The following PKN3 variants were observed in gnomAD, a reference collection of about 807,000 sequenced individuals.
PKN3 encodes serine/threonine-protein kinase N3.
Under a neutral mutation model 113.1 loss-of-function variants are expected in PKN3, and 91 were observed. That is an observed-to-expected ratio of 0.80 (90% CI 0.68 to 0.96). PKN3 has a LOEUF of 0.96. Ranked by LOEUF, PKN3 falls within the 40% of genes least tolerant of loss-of-function variation. PKN3 has a pLI of 0.00. For missense variants in PKN3, 1,052 were observed against 1,202.2 expected (o/e 0.88, Z 1.85); for synonymous variants, 467 against 499.0 (o/e 0.94, Z 0.85).
chr9:128,710,531 G>A (rs771248149), intron 6 of PKN3, among the ~76,000 whole-genome samples: 46 of 151,898 alleles, frequency 3.0e-4, no homozygotes, highest in Middle Eastern at 6.8e-3. Context: ...TCGCACTGTC[G>A]CCCAGACTGG....
intron 3 of PKN3, 76 bp from the exon 4 acceptor site, chr9:128,706,637 C>A: frequency 9.0e-7 from 1 of 1,112,828 alleles, no homozygotes. Context: ...GGGGGAGACC[C>A]GGCTCCAGTT....
At chr9:128,707,054 G>T in intron 5 of PKN3, 31 bp downstream of exon 5, 1 of 1,613,854 alleles carries the variant, frequency 6.2e-7, no homozygotes, top group South Asian at 1.1e-5. Context: ...CTCTCCTAAG[G>T]CTGGCTTGTT....
chr9:128,717,370 C>T (rs1171882815), intron 16 of PKN3, among the ~76,000 whole-genome samples: 12 of 150,796 alleles, frequency 8.0e-5, no homozygotes, highest in Non-Finnish European at 7.4e-5. Flanking sequence ...TCAAGTGATC[C>T]GCCCACCTCG....
intron 18 of PKN3, among the ~76,000 whole-genome samples, chr9:128,718,871 TGA>T (rs1862423926): frequency 6.7e-6 from 1 of 149,060 alleles, no homozygotes; most frequent in African/African-American, 2.5e-5. Context: ...GAGAGGAGAC[TGA>T]GTTCTGCCTT....
rs752472485 is a variant in PKN3, at chr9:128,714,319, C to T, written c.1435C>T (p.Arg479Trp). 2.0e-5 allele frequency: 33 copies of T among 1,611,160 alleles called. No homozygotes were observed. Among genetic ancestry groups the T allele is most frequent in the Admixed American group, 3.4e-5 (2 of 59,446 alleles). ...STISPPKGCP[R>W]TPTTLREASD... is the part of the protein sequence containing the mutation. ...AATCAGCCCCCCTAAAGGATGCCCT[C>T]GGACCCCAACAACACTGCGAGAGGC... The change falls in exon 11 of 22, where the codon CGG becomes TGG. Residue 479 changes from arginine to tryptophan, a missense_variant. By Grantham distance (101) the Arg-to-Trp change is moderately radical. Transcript: ENST00000291906.
chr9:128,709,736 G>C (rs1862123931), intron 6 of PKN3: 1 of 149,444 alleles, frequency 6.7e-6, no homozygotes, highest in Non-Finnish European at 1.5e-5. Context: ...TGGGCAACAA[G>C]AGCAAAACTC....
chr9:128,706,246 T>C (rs1394717748), intron 3 of PKN3, among the ~76,000 whole-genome samples: 2 of 152,154 alleles, frequency 1.3e-5, no homozygotes, highest in African/African-American at 4.8e-5. Context: ...CCTGATCTGA[T>C]GGGGGAGGCT....
rs971930796 is a variant in PKN3 at position 128,715,663 on chromosome 9, G to A, written c.1808+203G>A. On this transcript the variant is annotated intron_variant, in intron 15 of 21. Coordinates refer to ENST00000291906, the MANE Select transcript of PKN3 (RefSeq NM_013355.5). The surrounding 1 kb of genome is among the most constrained non-coding windows in gnomAD (Gnocchi z 4.1). ...TGTCAGTTTGCTCTACTGTAAAATG[G>A]GGGCATTGGTGGCTGTGCACGTTCA... is the stretch of plus-strand genomic sequence containing the variant. 6.6e-6 allele frequency among the ~76,000 whole-genome samples: 1 copy of A among 152,152 alleles called. No individual in the cohort carries two copies. The highest frequency in any genetic ancestry group is 2.4e-5 in the African/African-American group (1 of 41,424).
intron 16 of PKN3, 51 bp from the exon 17 acceptor site, chr9:128,718,274 C>A: frequency 6.7e-7 from 1 of 1,490,718 alleles, no homozygotes; most frequent in Non-Finnish European, 9.4e-7. Context: ...CCCTGCCCTG[C>A]CTCCCTGGTG....
chr9:128,712,474 A>G (rs1229032235), intron 6 of PKN3, among the ~76,000 whole-genome samples: 11 of 152,134 alleles, frequency 7.2e-5, no homozygotes, highest in African/African-American at 2.2e-4. Flanking sequence ...ACTCACCTCC[A>G]CTGTTCAGAT....
chr9:128,720,097 C>T lies in PKN3; in HGVS notation c.2376+80C>T. The T allele has an allele frequency of 2.6e-6, 4 of 1,534,552 alleles. No individual in the cohort carries two copies. The highest frequency in any genetic ancestry group is 2.7e-6 in the Non-Finnish European group (3 of 1,110,134). On this transcript the variant is annotated intron_variant, in intron 20 of 21. Transcript: ENST00000291906. This position sits in a 1 kb window ranked among gnomAD's most constrained non-coding sequence, Gnocchi z 5.5. ...CCTCTGCCGTGGGACAGCAGACCCC[C>T]TGCCACCCATCCTTAGAGCGCTCTG...
At chr9:128,708,190 G>A (rs1032385553) in intron 6 of PKN3, among the ~76,000 whole-genome samples, 1 of 151,934 alleles carries the variant, frequency 6.6e-6, no homozygotes, top group Non-Finnish European at 1.5e-5. Flanking sequence ...AGACCAGCCT[G>A]GCCAACATGG....
chr9:128,717,994 C>T (rs983625313), intron 16 of PKN3, among the ~76,000 whole-genome samples: 5 of 151,548 alleles, frequency 3.3e-5, no homozygotes, highest in Admixed American at 6.6e-5. Context: ...GAGATCGCAC[C>T]GCTGCACTGC....
intron 6 of PKN3, among the ~76,000 whole-genome samples, chr9:128,712,342 T>C (rs1862205279): frequency 6.6e-6 from 1 of 152,230 alleles, no homozygotes; most frequent in Non-Finnish European, 1.5e-5. Flanking sequence ...CCTCAAAAGC[T>C]GCTAGATCCC....
chr9:128,705,656 T>C (rs1398950880), intron 2 of PKN3, 78 bp from the exon 3 acceptor site: 4 of 1,538,780 alleles, frequency 2.6e-6, no homozygotes, highest in African/African-American at 1.4e-5. Flanking sequence ...TATAGATCAG[T>C]AGGGGAAGGA....
chr9:128,719,781 G>C lies in PKN3; in HGVS notation c.2221G>C (p.Asp741His). 6.2e-7 allele frequency: 1 copy of C among 1,607,934 alleles called. No homozygotes were observed. The highest frequency in any genetic ancestry group is 8.5e-7 in the Non-Finnish European group (1 of 1,176,468). The change falls in exon 19 of 22, where the codon GAC becomes CAC. Residue 741 changes from aspartate to histidine, a missense_variant. By Grantham distance (81) the Asp-to-His change is moderately conservative. Around this residue, in one of 2 missense-constraint regions of PKN3, gnomAD observed 333 missense variants for 442.8 expected, o/e 0.75. Coordinates refer to ENST00000291906, the MANE Select transcript of PKN3 (RefSeq NM_013355.5). The part of the protein sequence containing the change: ...LTQEAYTRAV[D>H]WWGLGVLLYE... ...CCAGGAGGCATACACACGGGCTGTG[G>C]ACTGGTGGGGGCTGGGTGTGCTGCT...
Position 128,705,433 on chromosome 9 carries a change from A to G in PKN3, c.155A>G (p.His52Arg), listed in dbSNP as rs373024694. The G allele has an allele frequency of 1.3e-6, 2 of 1,589,476 alleles. No homozygotes were observed. The highest frequency in any genetic ancestry group is 2.7e-5 in the African/African-American group (2 of 74,378). The part of the protein sequence containing the change: ...RVATDRRHLG[H>R]VQQLLRSSNR... ...GCCACAGACCGCCGCCACTTGGGCC[A>G]TGTGCAGCAGCTGCTGCGGTCCTCC... Residue 52 changes from histidine (H) to arginine (R), a missense_variant, in exon 2 of 22, where the codon CAT becomes CGT. His to Arg is a conservative substitution (Grantham distance 29, BLOSUM62 0). Around this residue, in one of 2 missense-constraint regions of PKN3, gnomAD observed 719 missense variants for 759.4 expected, o/e 0.95. Transcript: ENST00000291906.
intron 3 of PKN3, among the ~76,000 whole-genome samples, chr9:128,706,326 G>A (rs1243041903): frequency 6.6e-6 from 1 of 150,662 alleles, no homozygotes; most frequent in Non-Finnish European, 1.5e-5. Context: ...GGGAGGCTTA[G>A]CTTAGCCCCT....
chr9:128,712,402 T>C (rs1453139822), intron 6 of PKN3, among the ~76,000 whole-genome samples: 2 of 152,196 alleles, frequency 1.3e-5, no homozygotes, highest in Non-Finnish European at 2.9e-5. Flanking sequence ...ACGTGACACA[T>C]GAACTTACTC....
Sources: allele counts gnomAD v4.1 joint callset (sites outside exome capture counted in the v4.1 genomes callset), GRCh38; gene constraint gnomAD v4.1.1; regional missense constraint gnomAD v4.1.1; non-coding constraint Gnocchi (gnomAD v3.1); transcripts MANE v1.5; gene names NCBI Gene and HGNC (gene_info 2026-07-23, HGNC 2026-07-21).